RABL6: variants seen among roughly 807,000 people sequenced by gnomAD.
The protein encoded by RABL6 is rab-like protein 6.
Under a neutral mutation model 72.9 loss-of-function variants are expected in RABL6, and 28 were observed. That is an observed-to-expected ratio of 0.38 (90% CI 0.28 to 0.53). RABL6 has a LOEUF of 0.53. Among genes scored for constraint, RABL6 ranks in the 20% least tolerant of loss-of-function variants. RABL6 has a pLI of 0.80. For missense variants in RABL6, 1,029 were observed against 1,008.4 expected (o/e 1.02, Z -0.28); for synonymous variants, 477 against 421.2 (o/e 1.13, Z -1.62).
In RABL6 at chr9:136,824,905, G is replaced by A. The variant is rs142254969; in HGVS notation, c.266-874G>A. On this transcript the variant is annotated intron_variant, in intron 2 of 14. Coordinates refer to ENST00000311502, the MANE Select transcript of RABL6 (RefSeq NM_024718.5). ...GGTTTGGGGTGAGGCTGATGGCAGCGTTCATGCCCCTCTGCTCAGGCGACG... is the reference window on the plus strand; with the variant it reads ...GGTTTGGGGTGAGGCTGATGGCAGCATTCATGCCCCTCTGCTCAGGCGACG... 1.3e-3 allele frequency among the ~76,000 whole-genome samples: 194 copies of A among 152,350 alleles called. 1 individual carries two copies. Among genetic ancestry groups the A allele is most frequent in the African/African-American group, 4.4e-3 (185 of 41,586 alleles).
rs558166080 is a variant in RABL6, at chr9:136,826,142, C to G, written c.313+316C>G. On this transcript the variant is annotated intron_variant, in intron 3 of 14. Transcript: ENST00000311502. This position sits in a 1 kb window ranked among gnomAD's most constrained non-coding sequence, Gnocchi z 4.9. ...GGGTGCTATTTTGGGAGCCCTCCTCCTGCACTGCCTGGCGGAGTAGCCCAG... is the reference window on the plus strand; with the variant it reads ...GGGTGCTATTTTGGGAGCCCTCCTCGTGCACTGCCTGGCGGAGTAGCCCAG... 3.9e-5 allele frequency among the ~76,000 whole-genome samples: 6 copies of G among 152,310 alleles called. No individual in the cohort carries two copies. The East Asian group carries it at 9.6e-4, about 24-fold the overall frequency.
intron 1 of RABL6, among the ~76,000 whole-genome samples, chr9:136,810,656 T>C (rs946371367): frequency 6.6e-6 from 1 of 152,062 alleles, no homozygotes; most frequent in African/African-American, 2.4e-5. Flanking sequence ...ATTCTCCTGC[T>C]TCAGCCTCCC....
intron 7 of RABL6, chr9:136,832,633 G>A: frequency 1.9e-6 from 1 of 513,104 alleles, no homozygotes; most frequent in Non-Finnish European, 3.6e-6. Context: ...CAGTGTTTTT[G>A]GTTGTTTTTG....
At chr9:136,830,847 G>A (rs549211619) in intron 5 of RABL6, 1 of 152,754 alleles carries the variant, frequency 6.5e-6, no homozygotes, top group East Asian at 1.9e-4. Context: ...GATGCCTATG[G>A]TAGCAATGCT....
chr9:136,839,175 A>G, intron 11 of RABL6, 47 bp from the exon 12 acceptor site: 1 of 1,602,092 alleles, frequency 6.2e-7, no homozygotes, highest in South Asian at 1.1e-5. Context: ...GGGGCAGTTC[A>G]GGACGCCTCC....
rs762782255 is a variant in RABL6, at chr9:136,826,210, C to T, written c.313+384C>T. On this transcript the variant is annotated intron_variant, in intron 3 of 14. Transcript: ENST00000311502. This position sits in a 1 kb window ranked among gnomAD's most constrained non-coding sequence, Gnocchi z 4.9. ...CCCATAGCTGAGGACCCAGCTCCTG[C>T]GCTCCTGTCCCTGCCAGGGATCCCC... Among the ~76,000 whole-genome samples, 10 of 152,170 alleles carry T rather than the reference C, an allele frequency of 6.6e-5. No individual in the cohort carries two copies. Among genetic ancestry groups the T allele is most frequent in the Non-Finnish European group, 1.3e-4 (9 of 68,004 alleles).
At chr9:136,838,097 G>A in intron 10 of RABL6, 82 bp downstream of exon 10, 1 of 1,510,720 alleles carries the variant, frequency 6.6e-7, no homozygotes, top group Non-Finnish European at 8.9e-7. Flanking sequence ...TGGCTTTCTA[G>A]GGGCGCAGAA....
intron 13 of RABL6, 42 bp from the exon 14 acceptor site, chr9:136,840,112 C>T (rs779388749): frequency 3.3e-5 from 53 of 1,612,222 alleles, no homozygotes; most frequent in Admixed American, 1.5e-4. Context: ...TTGGGGTCCC[C>T]GTTGGCCTGA....
In RABL6 at chr9:136,839,815, TCTTCGGG is replaced by T; in HGVS notation, c.1883_1889del (p.Phe628TrpfsTer140). On this transcript the variant is annotated frameshift_variant, in exon 13 of 15. Transcript: ENST00000311502. LOFTEE classifies it high-confidence loss of function. ...TTCAGACTGAAGAATGACTCGGACC[TCTTCGGG>T]CTGGGGCTGGAGGAGGCCGGACCCA... The T allele has an allele frequency of 6.2e-7, 1 of 1,612,688 alleles. No homozygotes were observed.
rs559568054 is a variant in RABL6, at chr9:136,835,656, G to A, written c.706-86G>A. 4.4e-5 allele frequency: 54 copies of A among 1,224,594 alleles called. No individual in the cohort carries two copies. In the South Asian group the frequency reaches 5.5e-4, roughly 12 times the overall value. 75.9% of individuals were successfully genotyped at this position (1,224,594 alleles called of 1,614,324 possible). A position where few individuals can be genotyped will look rare whatever the true frequency, so the allele number is the denominator to read the frequency against. On this transcript the variant is annotated intron_variant, in intron 7 of 14. Transcript: ENST00000311502. ...TCTCCTGGTTTTGGCAGCAGGAGGC[G>A]TCCCCTGTGCATTCAGGGGCTGTGG...
intron 5 of RABL6, among the ~76,000 whole-genome samples, chr9:136,831,335 G>A (rs1298391066): frequency 6.6e-6 from 1 of 152,188 alleles, no homozygotes; most frequent in South Asian, 2.1e-4. Context: ...GGAGCCTGGA[G>A]GACCAGCCAC....
At chr9:136,840,087 G>A in intron 13 of RABL6, 67 bp from the exon 14 acceptor site, 2 of 1,604,272 alleles carry the variant, frequency 1.2e-6, no homozygotes, top group South Asian at 1.1e-5. Flanking sequence ...TTCTAGAGAA[G>A]TCCTGTCACC....
At chr9:136,820,522 C>T (rs924342884) in intron 1 of RABL6, among the ~76,000 whole-genome samples, 7 of 149,996 alleles carry the variant, frequency 4.7e-5, no homozygotes, top group East Asian at 1.9e-4. Context: ...CAGGTGTCCA[C>T]CACCACACCC....
In RABL6 at chr9:136,839,062, A is replaced by C. The variant is rs749248406; in HGVS notation, c.1434A>C (p.Ala478=). The part of the protein sequence containing the change: ...TLSSEEEAEV[A]APTKGPAPAP... ...CGAGTGAGGAGGAAGCAGAAGTGGCAGCTCCCACAAAAGGCCCTGCCCCAG... is the reference window on the plus strand; with the variant it reads ...CGAGTGAGGAGGAAGCAGAAGTGGCCGCTCCCACAAAAGGCCCTGCCCCAG... The change falls in exon 11 of 15, where the codon GCA becomes GCC. Residue 478 remains alanine, a synonymous_variant. Coordinates refer to ENST00000311502, the MANE Select transcript of RABL6 (RefSeq NM_024718.5). The C allele has an allele frequency of 5.6e-6, 9 of 1,612,294 alleles. No homozygotes were observed. Among genetic ancestry groups the C allele is most frequent in the African/African-American group, 2.7e-5 (2 of 74,916 alleles).
intron 2 of RABL6, 51 bp downstream of exon 2, chr9:136,823,710 T>G: frequency 6.5e-7 from 1 of 1,535,844 alleles, no homozygotes; most frequent in Non-Finnish European, 8.8e-7. Flanking sequence ...TTCTCCTCCC[T>G]CAGCCCTGGT....
chr9:136,818,903 A>G (rs1355349930), intron 1 of RABL6, among the ~76,000 whole-genome samples: 2 of 152,254 alleles, frequency 1.3e-5, no homozygotes, highest in South Asian at 2.1e-4. Context: ...ATTATTAAGA[A>G]GAAGTGTTAA....
chr9:136,808,896 C>G (rs941590336), intron 1 of RABL6: 3 of 152,136 alleles, frequency 2.0e-5, no homozygotes, highest in African/African-American at 7.2e-5. Flanking sequence ...CCAGAAGGCA[C>G]GGGCTGACTT....
At chr9:136,838,156 G>C in intron 10 of RABL6, 141 bp downstream of exon 10, 3 of 1,126,264 alleles carry the variant, frequency 2.7e-6, no homozygotes, top group Middle Eastern at 2.6e-4. Flanking sequence ...GAGCAGCTCT[G>C]TGGCTGGAGC....
At chr9:136,838,282 C>T (rs1240320611) in intron 10 of RABL6, among the ~76,000 whole-genome samples, 1 of 152,180 alleles carries the variant, frequency 6.6e-6, no homozygotes, top group African/African-American at 2.4e-5. Context: ...GCAGATGCCA[C>T]ATGGAAGCCA....
Sources: allele counts gnomAD v4.1 joint callset (sites outside exome capture counted in the v4.1 genomes callset), GRCh38; gene constraint gnomAD v4.1.1; non-coding constraint Gnocchi (gnomAD v3.1); transcripts MANE v1.5; gene names NCBI Gene and HGNC (gene_info 2026-07-23, HGNC 2026-07-21).